MRTFA: variants seen among roughly 807,000 people sequenced by gnomAD.
MRTFA encodes myocardin-related transcription factor A.
A neutral mutation model predicts 83.5 loss-of-function variants in MRTFA; 20 were observed. The observed-to-expected ratio is 0.24, with a 90% CI of 0.17 to 0.35. MRTFA has a LOEUF of 0.35. Among genes scored for constraint, MRTFA ranks in the 10% least tolerant of loss-of-function variants. The pLI is 1.00. For synonymous variants in MRTFA, 659 were observed against 541.2 expected, an observed-to-expected ratio of 1.22 and a Z score of -3.02; for missense variants, 1,200 against 1,224.7, an observed-to-expected ratio of 0.98 and a Z score of 0.30.
Position 40,494,300 on chromosome 22 carries a change from T to TA in MRTFA, c.242-31015dup, listed in dbSNP as rs1170419173. 6.6e-5 allele frequency among the ~76,000 whole-genome samples: 10 copies of TA among 152,030 alleles called. No homozygotes were observed. The East Asian group carries it at 1.7e-3, about 26-fold the overall frequency. On this transcript the variant is annotated intron_variant, in intron 3 of 14. Coordinates refer to ENST00000355630, the MANE Select transcript of MRTFA (RefSeq NM_020831.6). ...TAACATGTCATTAAAACTACTAGGT[T>TA]AAAAAAAAGAGCTATATGTGAATAT...
chr22:40,431,149 G>T (rs1039929461), intron 6 of MRTFA, among the ~76,000 whole-genome samples: 1 of 152,180 alleles, frequency 6.6e-6, no homozygotes, highest in Non-Finnish European at 1.5e-5. Context: ...AGAGAGAAGC[G>T]ATCTCACACC....
intron 5 of MRTFA, chr22:40,433,279 A>G (rs982542520): frequency 2.0e-5 from 3 of 153,028 alleles, no homozygotes; most frequent in African/African-American, 7.2e-5. Flanking sequence ...TTTGCAACTG[A>G]TATCATTAAA....
chr22:40,535,341 G>A (rs1168439285), intron 3 of MRTFA, among the ~76,000 whole-genome samples: 6 of 97,982 alleles, frequency 6.1e-5, no homozygotes, highest in African/African-American at 8.4e-5. Flanking sequence ...TGTGTGAGAG[G>A]TTTTTTCTTT....
At chr22:40,629,558 T>C (rs1416255610) in intron 1 of MRTFA, among the ~76,000 whole-genome samples, 1 of 151,564 alleles carries the variant, frequency 6.6e-6, no homozygotes, top group East Asian at 1.9e-4. Context: ...GGTCAGGAGT[T>C]CGAGATCAGC....
chr22:40,421,096 C>T lies in MRTFA; in HGVS notation c.932G>A (p.Ser311Asn), dbSNP rs2052828921. 4 of 1,530,586 alleles carry T rather than the reference C, an allele frequency of 2.6e-6. No homozygotes were observed. In the East Asian group the frequency reaches 9.2e-5, roughly 35 times the overall value. The allele number at this position is 1,530,586 out of a possible 1,614,324, so 94.8% of individuals were successfully genotyped here. A position where few individuals can be genotyped will look rare whatever the true frequency, so the allele number is the denominator to read the frequency against. ...CTTCTCACTGGCAGACTTGGGTTGGCTTTGCTGAGGGCACAGGAGACAGGG... is the reference window on the plus strand; with the variant it reads ...CTTCTCACTGGCAGACTTGGGTTGGTTTTGCTGAGGGCACAGGAGACAGGG... The change falls in exon 10 of 15, where the codon AGC becomes AAC. Residue 311 changes from serine (S) to asparagine (N), a missense_variant. Ser to Asn is a conservative substitution (Grantham distance 46). Coordinates refer to ENST00000355630, the MANE Select transcript of MRTFA (RefSeq NM_020831.6).
intron 3 of MRTFA, among the ~76,000 whole-genome samples, chr22:40,508,678 C>G (rs1342743678): frequency 6.6e-6 from 1 of 151,256 alleles, no homozygotes; most frequent in African/African-American, 2.4e-5. Context: ...TATGTTCTTT[C>G]CATTGTAACT....
chr22:40,478,514 CCT>C (rs1279437461), intron 3 of MRTFA, among the ~76,000 whole-genome samples: 1 of 152,136 alleles, frequency 6.6e-6, no homozygotes, highest in Non-Finnish European at 1.5e-5. Context: ...TTGGAAGTCC[CCT>C]CTCTCTCACT....
intron 3 of MRTFA, among the ~76,000 whole-genome samples, chr22:40,538,985 CTTTTGTTTTTTTT>C (rs971715265): frequency 1.9e-5 from 2 of 106,888 alleles, no homozygotes; most frequent in African/African-American, 7.6e-5. Flanking sequence ...GATACACAGC[CTTTTGTTTTTTTT>C]TTTTTTTTTT....
intron 3 of MRTFA, among the ~76,000 whole-genome samples, chr22:40,542,067 A>C (rs975179733): frequency 6.6e-6 from 1 of 152,236 alleles, no homozygotes; most frequent in Admixed American, 6.5e-5. Flanking sequence ...CAGTGGCACG[A>C]TCATGGCTCA....
chr22:40,612,772 G>T (rs1490315049), intron 1 of MRTFA, among the ~76,000 whole-genome samples: 1 of 152,108 alleles, frequency 6.6e-6, no homozygotes, highest in Non-Finnish European at 1.5e-5. Flanking sequence ...ACATAGTAAG[G>T]CTCTGTCTCT....
chr22:40,443,416 G>T (rs1017402687), intron 4 of MRTFA, among the ~76,000 whole-genome samples: 3 of 151,996 alleles, frequency 2.0e-5, no homozygotes, highest in African/African-American at 7.2e-5. Flanking sequence ...AAGGTGGAGA[G>T]AACTAGCTAG....
At chr22:40,470,006 C>T (rs1478489936) in intron 3 of MRTFA, among the ~76,000 whole-genome samples, 2 of 151,664 alleles carry the variant, frequency 1.3e-5, no homozygotes, top group Non-Finnish European at 2.9e-5. Context: ...GGTGGATCAC[C>T]TCAGGTCAGC....
At chr22:40,621,127 A>C (rs1200145605) in intron 1 of MRTFA, among the ~76,000 whole-genome samples, 1 of 151,502 alleles carries the variant, frequency 6.6e-6, no homozygotes, top group East Asian at 1.9e-4. Context: ...GGCTGCATTG[A>C]GCCATGATTG....
intron 3 of MRTFA, among the ~76,000 whole-genome samples, chr22:40,537,078 C>A (rs2055195899): frequency 1.7e-5 from 1 of 59,826 alleles, no homozygotes; most frequent in Non-Finnish European, 3.4e-5. Context: ...GGTCAGTCCC[C>A]CGCCTGGCCA....
intron 3 of MRTFA, among the ~76,000 whole-genome samples, chr22:40,532,138 TAGCA>T (rs2055092407): frequency 6.6e-6 from 1 of 152,198 alleles, no homozygotes; most frequent in African/African-American, 2.4e-5. Flanking sequence ...AAACAGCTCT[TAGCA>T]AGCAAGACAA....
At chr22:40,444,848 A>C (rs1412542932) in intron 4 of MRTFA, among the ~76,000 whole-genome samples, 1 of 152,142 alleles carries the variant, frequency 6.6e-6, no homozygotes, top group African/African-American at 2.4e-5. Flanking sequence ...CCAGTGGATC[A>C]CTTGAGGCCA....
chr22:40,455,333 G>T (rs2147136132), intron 4 of MRTFA, among the ~76,000 whole-genome samples: 1 of 152,032 alleles, frequency 6.6e-6, no homozygotes, highest in South Asian at 2.1e-4. Flanking sequence ...TAGTTCTTTT[G>T]AATTCATAAC....
chr22:40,615,805 C>T (rs1197916656), intron 1 of MRTFA, among the ~76,000 whole-genome samples: 1 of 151,952 alleles, frequency 6.6e-6, no homozygotes, highest in Non-Finnish European at 1.5e-5. Context: ...CTGCCTCAGC[C>T]TCCCGAGTAG....
chr22:40,590,991 C>T (rs1450185352), intron 2 of MRTFA, among the ~76,000 whole-genome samples: 6 of 151,950 alleles, frequency 3.9e-5, no homozygotes, highest in African/African-American at 1.5e-4. Context: ...AAAAATTAGC[C>T]GGGCGTGGTG....
Sources: gnomAD v4.1 joint callset for allele counts (sites outside exome capture counted in the v4.1 genomes callset) on GRCh38, gnomAD v4.1.1 for gene constraint, MANE v1.5 for transcripts, NCBI Gene and HGNC (gene_info 2026-07-23, HGNC 2026-07-21) for gene names.